Variants in JRK observed in about 807,000 individuals in gnomAD.
JRK encodes the protein jerky protein homolog.
For missense variants in JRK, 720 were observed against 509.2 expected, an observed-to-expected ratio of 1.41 and a Z score of -3.98; for synonymous variants, 303 against 218.1, an observed-to-expected ratio of 1.39 and a Z score of -3.43.
chr8:142,662,796 C>G lies in JRK; in HGVS notation c.*1556G>C. 1.0e-6 allele frequency: 1 copy of G among 985,358 alleles called. No individual in the cohort carries two copies. 61.0% of individuals were successfully genotyped at this position (985,358 alleles called of 1,614,324 possible). Reference sequence around the variant, plus strand: ...CTGGAATGCAAACTACGTGCTGACTCGGCCAAATGATATGAATTTAAGAGA... The same window carrying G: ...CTGGAATGCAAACTACGTGCTGACTGGGCCAAATGATATGAATTTAAGAGA... On this transcript the variant is annotated 3_prime_UTR_variant, in exon 2 of 2. Coordinates refer to ENST00000612905, the MANE Select transcript of JRK (RefSeq NM_003724.4).
chr8:142,657,113 GAA>G (rs1338434185), downstream of JRK, among the ~76,000 whole-genome samples: 1 of 152,176 alleles, frequency 6.6e-6, no homozygotes, highest in African/African-American at 2.4e-5. Context: ...TCTCCTTACA[GAA>G]ACTGGAGGAG....
Position 142,664,092 on chromosome 8 carries a change from G to C in JRK, c.*260C>G. On this transcript the variant is annotated 3_prime_UTR_variant, in exon 2 of 2. Transcript: ENST00000612905. ...CAGGGTGCGGCTCTGGCTTGTTCTA[G>C]GCTAGGGTGGACCCTTCCAAAACAT... 1.6e-6 allele frequency: 2 copies of C among 1,285,142 alleles called. No individual in the cohort carries two copies. The highest frequency in any genetic ancestry group is 2.0e-6 in the Non-Finnish European group (2 of 1,018,022). The allele number at this position is 1,285,142 out of a possible 1,614,324, so 79.6% of individuals were successfully genotyped here.
rs782699037 is a variant in JRK at position 142,663,424 on chromosome 8, AAGCAG to A, written c.*923_*927del. On this transcript the variant is annotated 3_prime_UTR_variant, in exon 2 of 2. Coordinates refer to ENST00000612905, the MANE Select transcript of JRK (RefSeq NM_003724.4). ...AGAGCACACATACTGCTAGAAATCT[AAGCAG>A]CCTGTTTTACTGTTTTCAGTGACTT... The A allele has an allele frequency of 3.0e-6, 3 of 985,476 alleles. No homozygotes were observed. Among genetic ancestry groups the A allele is most frequent in the Non-Finnish European group, 3.6e-6 (3 of 829,932 alleles). The allele number at this position is 985,476 out of a possible 1,614,324, so 61.0% of individuals were successfully genotyped here.
the JRK span, among the ~76,000 whole-genome samples, chr8:142,647,861 A>G: frequency 2.0e-5 from 3 of 152,238 alleles, no homozygotes; most frequent in Non-Finnish European, 4.4e-5. Flanking sequence ...AACGTGGGAA[A>G]GTTTGGAACT....
In JRK at chr8:142,660,831, T is replaced by G. The variant is rs782184413; in HGVS notation, c.*3521A>C. The G allele has an allele frequency of 4.1e-6, 4 of 985,532 alleles. No individual in the cohort carries two copies. The highest frequency in any genetic ancestry group is 4.8e-6 in the Non-Finnish European group (4 of 830,072). The allele number at this position is 985,532 out of a possible 1,614,324, so 61.0% of individuals were successfully genotyped here. On this transcript the variant is annotated 3_prime_UTR_variant, in exon 2 of 2. Coordinates refer to ENST00000612905, the MANE Select transcript of JRK (RefSeq NM_003724.4). ...CCAAGAATGGATGCAGTCTACACCT[T>G]CTGCAAACCCCTGCCTCAAACCGTG...
chr8:142,667,326 C>T (rs1323611611), intron 1 of JRK, among the ~76,000 whole-genome samples: 1 of 152,166 alleles, frequency 6.6e-6, no homozygotes, highest in Non-Finnish European at 1.5e-5. Flanking sequence ...CAGGCAGCCA[C>T]ACTGAGCCGC....
chr8:142,652,475 G>A (rs1284667457), downstream of JRK, among the ~76,000 whole-genome samples: 6 of 152,210 alleles, frequency 3.9e-5, no homozygotes, highest in African/African-American at 1.4e-4. Context: ...GTCATAGGTA[G>A]ATAAGAGACA....
chr8:142,662,557 G>A lies in JRK; in HGVS notation c.*1795C>T, dbSNP rs868985990. On this transcript the variant is annotated 3_prime_UTR_variant, in exon 2 of 2. Coordinates refer to ENST00000612905, the MANE Select transcript of JRK (RefSeq NM_003724.4). ...GACACAAATGGGAACTGGGACTGTCGTTCAGCACCGAGATCTTTAAAAACT... is the reference window on the plus strand; with the variant it reads ...GACACAAATGGGAACTGGGACTGTCATTCAGCACCGAGATCTTTAAAAACT... The A allele has an allele frequency of 1.9e-5, 19 of 985,314 alleles. No homozygotes were observed. The highest frequency in any genetic ancestry group is 4.7e-5 in the South Asian group (1 of 21,284). The allele number at this position is 985,314 out of a possible 1,614,324, so 61.0% of individuals were successfully genotyped here.
At chr8:142,648,672 C>T in the JRK span, among the ~76,000 whole-genome samples, 1 of 152,248 alleles carries the variant, frequency 6.6e-6, no homozygotes, top group Non-Finnish European at 1.5e-5. Context: ...CTCAGGAGAC[C>T]CTCTGCTAGG....
chr8:142,654,427 G>C (rs587759582), downstream of JRK, among the ~76,000 whole-genome samples: 6 of 152,172 alleles, frequency 3.9e-5, no homozygotes, highest in East Asian at 1.2e-3. Context: ...TAAGGGTCCA[G>C]CCTGATTCTG....
the JRK span, among the ~76,000 whole-genome samples, chr8:142,651,175 C>A: frequency 2.6e-5 from 4 of 151,650 alleles, no homozygotes; most frequent in African/African-American, 7.3e-5. Context: ...AGGAAAAAAA[C>A]AAAAACAAAA....
At chr8:142,646,965 G>T in the JRK span, among the ~76,000 whole-genome samples, 1 of 152,104 alleles carries the variant, frequency 6.6e-6, no homozygotes, top group Non-Finnish European at 1.5e-5. Context: ...CCCTAAGTCT[G>T]CATATTGAAG....
intron 1 of JRK, among the ~76,000 whole-genome samples, chr8:142,669,163 A>AGT (rs59300327): frequency 0.12 from 16,668 of 136,036 alleles, 1,088 homozygotes; most frequent in Admixed American, 0.16. Context: ...GCAGGGGCAT[A>AGT]GTGTGTGTGT....
chr8:142,664,648 C>G lies in JRK; in HGVS notation c.1411G>C (p.Ala471Pro). ...GGATCTCCTCTGCCGTCCTGGTCAGCTTTCGGAGTCTTTTCTGAACTCCAC... is the reference window on the plus strand; with the variant it reads ...GGATCTCCTCTGCCGTCCTGGTCAGGTTTCGGAGTCTTTTCTGAACTCCAC... ...VVWSSEKTPK[A>P]DQDGRGDPGE... is the part of the protein sequence containing the mutation. The change falls in exon 2 of 2, where the codon GCT (alanine) becomes CCT (proline). Residue 471 changes from alanine to proline, a missense_variant. Physicochemically the swap from Ala to Pro is conservative, Grantham distance 27. Transcript: ENST00000612905. 1.9e-6 allele frequency: 3 copies of G among 1,611,652 alleles called. No homozygotes were observed. The highest frequency in any genetic ancestry group is 2.5e-6 in the Non-Finnish European group (3 of 1,179,290).
chr8:142,664,101 G>A lies in JRK; in HGVS notation c.*251C>T. ...GCTCTGGCTTGTTCTAGGCTAGGGT[G>A]GACCCTTCCAAAACATTTCCTCACT... On this transcript the variant is annotated 3_prime_UTR_variant, in exon 2 of 2. Transcript: ENST00000612905. 1 of 1,308,122 alleles carries A rather than the reference G, an allele frequency of 7.6e-7. No individual in the cohort carries two copies. The highest frequency in any genetic ancestry group is 9.7e-7 in the Non-Finnish European group (1 of 1,031,608). 81.0% of individuals were successfully genotyped at this position (1,308,122 alleles called of 1,614,324 possible).
chr8:142,645,026 A>G, the JRK span, among the ~76,000 whole-genome samples: 2 of 152,092 alleles, frequency 1.3e-5, no homozygotes, highest in South Asian at 4.2e-4. Context: ...AGCCCTTATA[A>G]TCTCACACAC....
intron 1 of JRK, among the ~76,000 whole-genome samples, chr8:142,667,851 T>C (rs916627792): frequency 6.6e-5 from 10 of 152,232 alleles, no homozygotes; most frequent in Admixed American, 6.5e-4. Context: ...TTTCACCCTC[T>C]CATAACAACT....
chr8:142,648,340 C>A, the JRK span, among the ~76,000 whole-genome samples: 1,219 of 152,320 alleles, frequency 8.0e-3, 20 homozygotes, highest in African/African-American at 0.028. Flanking sequence ...GAGGTCTTCA[C>A]AGCAGCCCCT....
At position 142,658,710 on chromosome 8, in the gene JRK, T is replaced by TGG. The variant is rs150398750; in HGVS notation, c.*5640_*5641dup. The TGG allele has an allele frequency of 1.5e-6, 2 of 1,379,028 alleles. No homozygotes were observed. Among genetic ancestry groups the TGG allele is most frequent in the African/African-American group, 1.5e-5 (1 of 68,430 alleles). 85.4% of individuals were successfully genotyped at this position (1,379,028 alleles called of 1,614,324 possible). A position where few individuals can be genotyped will look rare whatever the true frequency, so the allele number is the denominator to read the frequency against. On this transcript the variant is annotated 3_prime_UTR_variant, in exon 2 of 2. Transcript: ENST00000612905. The stretch of plus-strand genomic sequence containing the variant: ...GGTCAGGGTTTCAACATATAAACTT[T>TGG]GGGGGGGGACACAAACATGCAGTCC...
Sources: allele counts gnomAD v4.1 joint callset (sites outside exome capture counted in the v4.1 genomes callset), GRCh38; gene constraint gnomAD v4.1.1; transcripts MANE v1.5; gene names NCBI Gene and HGNC (gene_info 2026-07-23, HGNC 2026-07-21).